CAPN13: variants seen among roughly 807,000 people sequenced by gnomAD.
CAPN13 encodes the protein calpain-13.
Under a neutral mutation model 98.4 loss-of-function variants are expected in CAPN13, and 90 were observed. The ratio of observed to expected loss-of-function variants is 0.92; its 90% confidence interval spans 0.77 to 1.09. The LOEUF is 1.09. Ranked by LOEUF, CAPN13 falls within the 50% of genes least tolerant of loss-of-function variation. The pLI, the probability that CAPN13 is intolerant of heterozygous loss-of-function variation, is 0.00. For synonymous variants in CAPN13, 330 were observed against 305.5 expected (o/e 1.08, Z -0.84); for missense variants, 887 against 841.3 (o/e 1.05, Z -0.67).
chr2:30,759,588 G>A (rs1472631078), intron 7 of CAPN13, among the ~76,000 whole-genome samples: 5 of 152,308 alleles, frequency 3.3e-5, no homozygotes, highest in East Asian at 1.9e-4. Context: ...ATAGACTATC[G>A]CTGTGTGGAA....
intron 7 of CAPN13, among the ~76,000 whole-genome samples, chr2:30,762,296 CAA>C (rs1249564219): frequency 6.6e-6 from 1 of 152,198 alleles, no homozygotes; most frequent in Non-Finnish European, 1.5e-5. Flanking sequence ...TTTGTCCAGC[CAA>C]AGTCAGTTCT....
intron 8 of CAPN13, 75 bp from the exon 9 acceptor site, chr2:30,754,439 G>A (rs1040103867): frequency 7.9e-7 from 1 of 1,269,614 alleles, no homozygotes; most frequent in Non-Finnish European, 1.1e-6. Context: ...GGTCAACAGG[G>A]ACCCTCTGTA....
Position 30,798,498 on chromosome 2 carries a change from G to C in CAPN13, c.-33+8804C>G, listed in dbSNP as rs550176352. ...GTGATGAAACCACCTCCCTGCCCCA[G>C]TGACAGGTTGCTCTGGTGTCCCTGT... is the stretch of plus-strand genomic sequence containing the variant. On this transcript the variant is annotated intron_variant, in intron 1 of 22. Transcript: ENST00000295055. Among the ~76,000 whole-genome samples the C allele has an allele frequency of 3.2e-4, 48 of 152,330 alleles. 2 individuals are homozygous for C. In the South Asian group the frequency reaches 9.7e-3, roughly 31 times the overall value.
Position 30,753,171 on chromosome 2 carries a change from T to A in CAPN13, c.969A>T (p.Lys323Asn). Residue 323 changes from lysine to asparagine, a missense_variant, in exon 10 of 23, where the codon AAA (lysine) becomes AAT (asparagine). Lys to Asn is a moderately conservative substitution (Grantham distance 94). Transcript: ENST00000295055. The stretch of plus-strand genomic sequence containing the variant: ...CGCTACATATAAACATGGCGATGAA[T>A]TTCTGTTGGAAATCTTGACACGACA... Reference protein sequence around the residue: ...FWMSCQDFQQKFIAMFICSEI... With the variant: ...FWMSCQDFQQNFIAMFICSEI... 6.2e-7 allele frequency: 1 copy of A among 1,614,016 alleles called. No homozygotes were observed. Among genetic ancestry groups the A allele is most frequent in the East Asian group, 2.2e-5 (1 of 44,882 alleles).
At chr2:30,771,212 T>G (rs1311361818) in intron 4 of CAPN13, among the ~76,000 whole-genome samples, 1 of 152,176 alleles carries the variant, frequency 6.6e-6, no homozygotes, top group African/African-American at 2.4e-5. Context: ...TCATAACAAA[T>G]CCAGCTTTTT....
At chr2:30,723,584 G>T (rs182736406) in intron 22 of CAPN13, among the ~76,000 whole-genome samples, 10 of 152,292 alleles carry the variant, frequency 6.6e-5, no homozygotes, top group African/African-American at 2.4e-4. Flanking sequence ...TCTCCAGGCA[G>T]GTTAGAAGGG....
At position 30,794,596 on chromosome 2, in the gene CAPN13, A is replaced by G. The variant is rs187817392; in HGVS notation, c.-32-7239T>C. Among the ~76,000 whole-genome samples the G allele has an allele frequency of 1.9e-3, 292 of 152,108 alleles. 1 individual carries two copies. Among genetic ancestry groups the G allele is most frequent in the African/African-American group, 5.1e-3 (214 of 41,580 alleles). ...CATATGTTCATACAAAGACTTGTGCATAATCAAAACAGACATATTTAATAG... is the reference window on the plus strand; with the variant it reads ...CATATGTTCATACAAAGACTTGTGCGTAATCAAAACAGACATATTTAATAG... On this transcript the variant is annotated intron_variant, in intron 1 of 22. Transcript: ENST00000295055.
chr2:30,761,946 T>G (rs530444369), intron 7 of CAPN13, among the ~76,000 whole-genome samples: 1 of 152,358 alleles, frequency 6.6e-6, no homozygotes, highest in Admixed American at 6.5e-5. Context: ...CTGCAGTCCT[T>G]GGTCCATAAA....
chr2:30,760,756 C>T (rs968589818), intron 7 of CAPN13, among the ~76,000 whole-genome samples: 5 of 152,162 alleles, frequency 3.3e-5, no homozygotes, highest in African/African-American at 1.2e-4. Context: ...ATGACAGTGA[C>T]CTATTGGCGC....
intron 3 of CAPN13, among the ~76,000 whole-genome samples, chr2:30,776,924 C>A (rs1017179285): frequency 6.6e-6 from 1 of 152,208 alleles, no homozygotes; most frequent in Non-Finnish European, 1.5e-5. Context: ...GTCCAAGGCA[C>A]GGTGATTTCA....
intron 20 of CAPN13, among the ~76,000 whole-genome samples, 175 bp downstream of exon 20, chr2:30,732,263 G>T (rs1342023201): frequency 6.6e-6 from 1 of 152,180 alleles, no homozygotes; most frequent in East Asian, 1.9e-4. Flanking sequence ...AGAGGGGGGT[G>T]CGGAGGGAGC....
At chr2:30,763,197 G>T in intron 6 of CAPN13, 41 bp from the exon 7 acceptor site, 2 of 1,559,396 alleles carry the variant, frequency 1.3e-6, no homozygotes, top group Non-Finnish European at 8.8e-7. Flanking sequence ...GACATCTACA[G>T]GTTCTTCAAA....
intron 1 of CAPN13, among the ~76,000 whole-genome samples, chr2:30,798,905 A>AG (rs1487414447): frequency 7.2e-5 from 11 of 152,142 alleles, no homozygotes; most frequent in Non-Finnish European, 1.2e-4. Context: ...GGGTGGGGGA[A>AG]GGGGCCTGTG....
chr2:30,797,073 C>T (rs533056454), intron 1 of CAPN13, among the ~76,000 whole-genome samples: 2 of 152,102 alleles, frequency 1.3e-5, no homozygotes, highest in Admixed American at 1.3e-4. Context: ...GGAGGCAGTC[C>T]AGCTAAATAG....
intron 10 of CAPN13, among the ~76,000 whole-genome samples, chr2:30,752,540 G>GA (rs779801000): frequency 1.3e-5 from 2 of 152,194 alleles, no homozygotes; most frequent in Non-Finnish European, 2.9e-5. Context: ...ACAGGGCAGG[G>GA]ATAGTCTCCC....
intron 1 of CAPN13, among the ~76,000 whole-genome samples, chr2:30,793,556 C>G (rs1674708375): frequency 6.6e-6 from 1 of 151,640 alleles, no homozygotes; most frequent in African/African-American, 2.4e-5. Context: ...AACCAAAATT[C>G]TAGCATGCTT....
intron 13 of CAPN13, among the ~76,000 whole-genome samples, chr2:30,742,904 C>T (rs1671731820): frequency 6.6e-6 from 1 of 152,088 alleles, no homozygotes; most frequent in Non-Finnish European, 1.5e-5. Context: ...ACATTTCAGG[C>T]CATGTGATAT....
At chr2:30,788,946 CA>C (rs1674467996) in intron 1 of CAPN13, among the ~76,000 whole-genome samples, 1 of 152,010 alleles carries the variant, frequency 6.6e-6, no homozygotes. Flanking sequence ...TTTTGTAGGT[CA>C]AAAATGGTTG....
intron 12 of CAPN13, chr2:30,745,124 T>G (rs188095580): frequency 2.2e-6 from 1 of 453,490 alleles, no homozygotes. Context: ...CACCTCCCTC[T>G]TGGTGGCTCA....
Sources: allele counts gnomAD v4.1 joint callset (sites outside exome capture counted in the v4.1 genomes callset), GRCh38; gene constraint gnomAD v4.1.1; transcripts MANE v1.5; gene names NCBI Gene and HGNC (gene_info 2026-07-23, HGNC 2026-07-21).